KLF10: variants seen among roughly 807,000 people sequenced by gnomAD.
KLF10 encodes Krueppel-like factor 10.
In KLF10, 17 loss-of-function variants were observed where a neutral mutation model predicts 31.6. The ratio of observed to expected loss-of-function variants is 0.54; its 90% confidence interval spans 0.37 to 0.81. The LOEUF (loss-of-function observed/expected upper bound fraction) is 0.81, where lower values mean the gene tolerates loss of function less well. Among genes scored for constraint, KLF10 ranks in the 30% least tolerant of loss-of-function variants. KLF10 has a pLI of 0.00. For missense variants in KLF10, 525 were observed against 598.1 expected (o/e 0.88, Z 1.27); for synonymous variants, 239 against 215.1 (o/e 1.11, Z -0.97).
rs542584523 is a variant in KLF10, at chr8:102,655,134, C to G, written c.36+432G>C. Among the ~76,000 whole-genome samples the G allele has an allele frequency of 7.2e-5, 11 of 152,252 alleles. No homozygotes were observed. In the East Asian group the frequency reaches 2.1e-3, roughly 29 times the overall value. On this transcript the variant is annotated intron_variant, in intron 1 of 3. Coordinates refer to ENST00000285407, the MANE Select transcript of KLF10 (RefSeq NM_005655.4). ...CCTCCCCTGGCTCGCGTTCCTGAGCCAGACCGGGCATCTCTCCTCGGTACC... is the reference window on the plus strand; with the variant it reads ...CCTCCCCTGGCTCGCGTTCCTGAGCGAGACCGGGCATCTCTCCTCGGTACC...
At position 102,655,671 on chromosome 8, in the gene KLF10, G is replaced by A. The variant is rs1457082354; in HGVS notation, c.-70C>T. On this transcript the variant is annotated 5_prime_UTR_variant, in exon 1 of 4. Transcript: ENST00000285407. ...CTGCTGGCTGCTTGGCCACAGACGGGCGCACGGAGACACTCGACGCCGCTC... is the reference window on the plus strand; with the variant it reads ...CTGCTGGCTGCTTGGCCACAGACGGACGCACGGAGACACTCGACGCCGCTC... 3.2e-6 allele frequency: 5 copies of A among 1,574,696 alleles called. No individual in the cohort carries two copies. The African/African-American group carries it at 4.0e-5, about 13-fold the overall frequency.
At chr8:102,653,990 A>G (rs117431243) in intron 1 of KLF10, 1 of 985,030 alleles carries the variant, frequency 1.0e-6, no homozygotes, top group Non-Finnish European at 1.2e-6. Context: ...GTCACTGGGA[A>G]CATTCCTCGC....
chr8:102,651,943 A>G lies in KLF10; in HGVS notation c.389T>C (p.Ile130Thr). The G allele has an allele frequency of 6.2e-7, 1 of 1,614,054 alleles. No individual in the cohort carries two copies. Among genetic ancestry groups the G allele is most frequent in the South Asian group, 1.1e-5 (1 of 91,074 alleles). The change falls in exon 3 of 4, where the codon ATT becomes ACT. Residue 130 changes from isoleucine (I) to threonine (T), a missense_variant. Coordinates refer to ENST00000285407, the MANE Select transcript of KLF10 (RefSeq NM_005655.4). ...TTCTTCCTCTTTGAAAGGTGCGGCA[A>G]TGTGAGGTTTGGCAGTATCTGAGAG... is the stretch of plus-strand genomic sequence containing the variant. ...KSLSDTAKPH[I>T]AAPFKEEEKS... is the part of the protein sequence containing the mutation.
In KLF10 at chr8:102,652,407, CAA is replaced by C; in HGVS notation, c.37-12_37-11del. 2.0e-6 allele frequency: 3 copies of C among 1,488,172 alleles called. No homozygotes were observed. The highest frequency in any genetic ancestry group is 2.7e-6 in the Non-Finnish European group (3 of 1,095,650). 92.2% of individuals were successfully genotyped at this position (1,488,172 alleles called of 1,614,324 possible). Reference sequence around the variant, plus strand: ...TTTCCATTCTTTCCTCCTATAAAAACAAAAGAGGAAAGCTTATAAGCATATTT... The same window carrying C: ...TTTCCATTCTTTCCTCCTATAAAAACAAGAGGAAAGCTTATAAGCATATTT... On this transcript the variant is annotated splice_polypyrimidine_tract_variant and intron_variant, in intron 1 of 3. Coordinates refer to ENST00000285407, the MANE Select transcript of KLF10 (RefSeq NM_005655.4).
chr8:102,651,102 C>CA, intron 3 of KLF10, 47 bp downstream of exon 3: 1 of 1,465,990 alleles, frequency 6.8e-7, no homozygotes, highest in Non-Finnish European at 9.1e-7. Flanking sequence ...TGATCACAGC[C>CA]AAAATCTCTT....
chr8:102,650,501 T>C (rs1827180745), intron 3 of KLF10, 110 bp from the exon 4 acceptor site: 4 of 1,103,878 alleles, frequency 3.6e-6, no homozygotes, highest in Non-Finnish European at 5.1e-6. Context: ...TAAAAGCTAA[T>C]AAATCAAACT....
chr8:102,651,673 A>G lies in KLF10; in HGVS notation c.659T>C (p.Val220Ala), dbSNP rs145975076. ...AAGTGCAGCACTTGCTTTCTCATCA[A>G]CATCTGCCACTGTGTTTCTCTCACA... ...SKCERNTVADVDEKASAALYD... is the reference protein window; with the variant it reads ...SKCERNTVADADEKASAALYD... The change falls in exon 3 of 4, where the codon GTT becomes GCT. Residue 220 changes from valine (V) to alanine (A), a missense_variant. Val to Ala is a moderately conservative substitution (Grantham distance 64, BLOSUM62 0). Transcript: ENST00000285407. The G allele has an allele frequency of 1.7e-5, 27 of 1,614,196 alleles. No homozygotes were observed. In the African/African-American group the frequency reaches 3.1e-4, roughly 18 times the overall value.
chr8:102,653,584 T>C (rs1318164461), intron 1 of KLF10: 3 of 1,394,506 alleles, frequency 2.2e-6, no homozygotes, highest in Non-Finnish European at 2.8e-6. Context: ...TTCTCAATAC[T>C]AGTTTTTCAA....
chr8:102,653,771 G>A (rs1827278748), intron 1 of KLF10: 2 of 1,099,038 alleles, frequency 1.8e-6, no homozygotes, highest in Admixed American at 4.6e-5. Flanking sequence ...AAAGGCAGGC[G>A]GCAGGGAAAG....
Position 102,649,379 on chromosome 8 carries a change from CA to C in KLF10, c.*752del, listed in dbSNP as rs1827152612. 6.6e-6 allele frequency: 1 copy of C among 152,138 alleles called. No homozygotes were observed. Among genetic ancestry groups the C allele is most frequent in the African/African-American group, 2.4e-5 (1 of 41,420 alleles). The allele number at this position is 152,138 out of a possible 1,614,324, so 9.4% of individuals were successfully genotyped here. A position where few individuals can be genotyped will look rare whatever the true frequency, so the allele number is the denominator to read the frequency against. On this transcript the variant is annotated 3_prime_UTR_variant, in exon 4 of 4. Coordinates refer to ENST00000285407, the MANE Select transcript of KLF10 (RefSeq NM_005655.4). Reference sequence around the variant, plus strand: ...CATTGGTATACAATTTTCAAATCTACACAAGAAACTGCAGGCAAACTAAAGT... The same window carrying C: ...CATTGGTATACAATTTTCAAATCTACCAAGAAACTGCAGGCAAACTAAAGT...
Position 102,650,100 on chromosome 8 carries a change from A to T in KLF10, c.*32T>A. ...TCACCACTGGCTCCCGCTGAGACCA[A>T]AGTTAGTTCTGACTCTTCACTTTCC... On this transcript the variant is annotated 3_prime_UTR_variant, in exon 4 of 4. Transcript: ENST00000285407. 6.2e-7 allele frequency: 1 copy of T among 1,610,560 alleles called. No individual in the cohort carries two copies. The highest frequency in any genetic ancestry group is 1.1e-5 in the South Asian group (1 of 90,718).
chr8:102,650,587 A>G (rs1027759509), intron 3 of KLF10, among the ~76,000 whole-genome samples, 196 bp from the exon 4 acceptor site: 1 of 152,198 alleles, frequency 6.6e-6, no homozygotes, highest in Non-Finnish European at 1.5e-5. Flanking sequence ...TCTTCCCCAC[A>G]TGAAATAAGG....
Position 102,654,966 on chromosome 8 carries a change from C to T in KLF10, c.36+600G>A, listed in dbSNP as rs545078279. ...CCCTCGTGTCATCCCCCCGCTCCGA[C>T]GACAGGCGCCCCTTCCCCCAGCCCC... is the stretch of plus-strand genomic sequence containing the variant. On this transcript the variant is annotated intron_variant, in intron 1 of 3. Coordinates refer to ENST00000285407, the MANE Select transcript of KLF10 (RefSeq NM_005655.4). Among the ~76,000 whole-genome samples, 656 of 152,052 alleles carry T rather than the reference C, an allele frequency of 4.3e-3. 3 individuals are homozygous for T. Among genetic ancestry groups the T allele is most frequent in the Middle Eastern group, 0.014 (4 of 294 alleles).
chr8:102,653,212 G>C (rs372061716), intron 1 of KLF10, among the ~76,000 whole-genome samples: 15 of 152,186 alleles, frequency 9.9e-5, no homozygotes, highest in African/African-American at 3.6e-4. Flanking sequence ...TTGACACAAT[G>C]GTTTGCCATA....
At position 102,649,786 on chromosome 8, in the gene KLF10, T is replaced by C. The variant is rs371471779; in HGVS notation, c.*346A>G. On this transcript the variant is annotated 3_prime_UTR_variant, in exon 4 of 4. Transcript: ENST00000285407. ...GCTTTAGAAGAATCACATTGAAAAG[T>C]TGGTCTCAAGTATAAACAGCAAAAG... 2.0e-4 allele frequency: 51 copies of C among 252,658 alleles called. No individual in the cohort carries two copies. The highest frequency in any genetic ancestry group is 1.0e-3 in the South Asian group (14 of 13,774). 15.7% of individuals were successfully genotyped at this position (252,658 alleles called of 1,614,324 possible).
intron 1 of KLF10, chr8:102,653,852 A>C: frequency 1.0e-6 from 1 of 954,912 alleles, no homozygotes. Context: ...CGAGGCAGGA[A>C]AGGGAAGCGC....
At chr8:102,654,612 A>C (rs1482090735) in intron 1 of KLF10, among the ~76,000 whole-genome samples, 25 of 151,460 alleles carry the variant, frequency 1.7e-4, no homozygotes, top group Non-Finnish European at 2.4e-4. Context: ...GGGACCTCAG[A>C]CCACCCCGTC....
chr8:102,652,071 AG>A lies in KLF10; in HGVS notation c.271-11del, dbSNP rs1382725541. 2.5e-6 allele frequency: 4 copies of A among 1,570,112 alleles called. No homozygotes were observed. Among genetic ancestry groups the A allele is most frequent in the Middle Eastern group, 1.7e-4 (1 of 5,882 alleles). On this transcript the variant is annotated splice_polypyrimidine_tract_variant and intron_variant, in intron 2 of 3. Transcript: ENST00000285407. ...AAGGTGGAGTCAAACACTAAAGAAA[AG>A]GGAAATACATAGCATGAGAAATCTA...
chr8:102,654,080 C>G (rs1231138657), intron 1 of KLF10: 4 of 598,790 alleles, frequency 6.7e-6, no homozygotes, highest in East Asian at 2.9e-4. Flanking sequence ...CTGTGCGGCC[C>G]GGGGCGGGGG....
Sources: gnomAD v4.1 joint callset for allele counts (sites outside exome capture counted in the v4.1 genomes callset) on GRCh38, gnomAD v4.1.1 for gene constraint, MANE v1.5 for transcripts, NCBI Gene and HGNC (gene_info 2026-07-23, HGNC 2026-07-21) for gene names.